Variants in AGMO observed in about 807,000 individuals in gnomAD.
The protein encoded by AGMO is alkylglycerol monooxygenase.
Under a neutral mutation model 60.2 loss-of-function variants are expected in AGMO, and 75 were observed. The observed-to-expected ratio is 1.25, with a 90% CI of 1.03 to 1.51. The LOEUF is 1.51. Among genes scored for constraint, AGMO ranks in the 40% most tolerant of loss-of-function variants. The pLI is 0.00. For missense variants in AGMO, 763 were observed against 525.5 expected (o/e 1.45, Z -4.42); for synonymous variants, 261 against 177.1 (o/e 1.47, Z -3.76).
chr7:15,457,721 T>C (rs1562517334), intron 3 of AGMO, among the ~76,000 whole-genome samples: 1 of 152,136 alleles, frequency 6.6e-6, no homozygotes, highest in Non-Finnish European at 1.5e-5. Context: ...GTGGTAATAA[T>C]ATTTAGAATA....
intron 12 of AGMO, among the ~76,000 whole-genome samples, chr7:15,352,293 A>AT (rs1782269650): frequency 6.6e-6 from 1 of 152,148 alleles, no homozygotes; most frequent in Non-Finnish European, 1.5e-5. Flanking sequence ...TATTTAAAAA[A>AT]TTTTTATGAC....
the AGMO span, among the ~76,000 whole-genome samples, chr7:15,127,318 C>T: frequency 6.6e-6 from 1 of 152,132 alleles, no homozygotes; most frequent in Admixed American, 6.6e-5. Flanking sequence ...GATTTTAAGA[C>T]TCATTGTTGC....
intron 10 of AGMO, among the ~76,000 whole-genome samples, chr7:15,370,911 ATT>A (rs1783184074): frequency 6.6e-6 from 1 of 152,030 alleles, no homozygotes; most frequent in African/African-American, 2.4e-5. Context: ...CCATCTGTCA[ATT>A]TTTGTTTTTG....
intron 12 of AGMO, among the ~76,000 whole-genome samples, chr7:15,351,829 A>G (rs1241080767): frequency 2.0e-5 from 3 of 152,226 alleles, no homozygotes; most frequent in Non-Finnish European, 2.9e-5. Context: ...TTATTTTTAA[A>G]TCTGTTTAAA....
At chr7:15,432,383 C>CACACA (rs1781279763) in intron 3 of AGMO, among the ~76,000 whole-genome samples, 1 of 142,430 alleles carries the variant, frequency 7.0e-6, no homozygotes, top group African/African-American at 2.6e-5. Flanking sequence ...TATATATACA[C>CACACA]TATCTGGGTA....
intron 12 of AGMO, among the ~76,000 whole-genome samples, chr7:15,227,845 G>A (rs1182587226): frequency 1.3e-5 from 2 of 152,106 alleles, no homozygotes; most frequent in African/African-American, 4.8e-5. Flanking sequence ...AGCACAAGGT[G>A]ACAGATTTGA....
At chr7:15,141,409 C>A in the AGMO span, among the ~76,000 whole-genome samples, 8,751 of 152,092 alleles carry the variant, frequency 0.058, 353 homozygotes, top group African/African-American at 0.11. Context: ...ACGATGAAAC[C>A]ACGTCTCTAT....
At chr7:15,277,144 G>C (rs1451480935) in intron 12 of AGMO, among the ~76,000 whole-genome samples, 1 of 151,694 alleles carries the variant, frequency 6.6e-6, no homozygotes, top group African/African-American at 2.4e-5. Flanking sequence ...CCTATCTCTA[G>C]TAAAAATACA....
chr7:15,198,251 GAGAGACAGAGACAGAGAGAGAGT>G (rs1781183879), downstream of AGMO, among the ~76,000 whole-genome samples: 1 of 74,368 alleles, frequency 1.3e-5, no homozygotes, highest in Non-Finnish European at 2.4e-5. Flanking sequence ...GAGAGAGAGA[GAGAGACAGAGACAGAGAGAGAGT>G]GTGTTAAAGT....
At chr7:15,291,554 A>G (rs1030930550) in intron 12 of AGMO, among the ~76,000 whole-genome samples, 1 of 152,194 alleles carries the variant, frequency 6.6e-6, no homozygotes, top group Non-Finnish European at 1.5e-5. Flanking sequence ...ATAGTATCAT[A>G]ATCTTAAAAT....
At chr7:15,243,251 T>C (rs1782644960) in intron 12 of AGMO, among the ~76,000 whole-genome samples, 2 of 152,084 alleles carry the variant, frequency 1.3e-5, no homozygotes, top group African/African-American at 4.8e-5. Context: ...TAGAGCTGGG[T>C]GGTAAATATT....
intron 1 of AGMO, among the ~76,000 whole-genome samples, 183 bp downstream of exon 1, chr7:15,561,537 T>C (rs532686326): frequency 6.6e-6 from 1 of 152,310 alleles, no homozygotes; most frequent in Non-Finnish European, 1.5e-5. Flanking sequence ...AAGATGGCTA[T>C]GGATTGTAAG....
At chr7:15,409,995 AAATAAAT>A (rs1334101402) in intron 5 of AGMO, among the ~76,000 whole-genome samples, 2 of 151,526 alleles carry the variant, frequency 1.3e-5, no homozygotes, top group Non-Finnish European at 3.0e-5. Flanking sequence ...ACAATAAAAT[AAATAAAT>A]AATAAATAAA....
chr7:15,560,316 G>T, intron 1 of AGMO, 45 bp from the exon 2 acceptor site: 2 of 1,577,410 alleles, frequency 1.3e-6, no homozygotes, highest in South Asian at 1.1e-5. Context: ...TGTTCCATAT[G>T]AAATTATTTT....
Position 15,392,798 on chromosome 7 carries a change from C to CAA in AGMO, c.676+1313_676+1314dup, listed in dbSNP as rs200843624. Reference sequence around the variant, plus strand: ...TGGGCGACAGAATGAGACTCTGTCTCAAAACAAACAAACAAACAAACAAAC... The same window carrying CAA: ...TGGGCGACAGAATGAGACTCTGTCTCAAAAAACAAACAAACAAACAAACAAAC... On this transcript the variant is annotated intron_variant, in intron 6 of 12. Coordinates refer to ENST00000342526, the MANE Select transcript of AGMO (RefSeq NM_001004320.2). Among the ~76,000 whole-genome samples, 32 of 107,030 alleles carry CAA rather than the reference C, an allele frequency of 3.0e-4. No homozygotes were observed. In the South Asian group the frequency reaches 5.2e-3, roughly 17 times the overall value. 70.2% of individuals were successfully genotyped at this position (107,030 alleles called of 152,430 possible). A position where few individuals can be genotyped will look rare whatever the true frequency, so the allele number is the denominator to read the frequency against.
chr7:15,153,423 A>G, the AGMO span, among the ~76,000 whole-genome samples: 1 of 152,100 alleles, frequency 6.6e-6, no homozygotes, highest in South Asian at 2.1e-4. Context: ...GCTTAAGCCA[A>G]AGGCTAGAAG....
intron 3 of AGMO, among the ~76,000 whole-genome samples, chr7:15,468,571 T>C (rs1782354921): frequency 6.6e-6 from 1 of 152,082 alleles, no homozygotes; most frequent in African/African-American, 2.4e-5. Context: ...ATCATATATA[T>C]ATGATTTTGT....
intron 3 of AGMO, among the ~76,000 whole-genome samples, chr7:15,518,479 G>A (rs933087069): frequency 9.2e-5 from 14 of 152,282 alleles, no homozygotes; most frequent in African/African-American, 3.1e-4. Flanking sequence ...GAAGGAGCAG[G>A]CAGCAATCTT....
intron 12 of AGMO, among the ~76,000 whole-genome samples, chr7:15,238,148 G>T (rs2128501843): frequency 6.6e-6 from 1 of 151,726 alleles, no homozygotes; most frequent in East Asian, 1.9e-4. Context: ...TTTTTCAGTA[G>T]TATTGACCCT....
Sources: gnomAD v4.1 joint callset for allele counts (sites outside exome capture counted in the v4.1 genomes callset) on GRCh38, gnomAD v4.1.1 for gene constraint, MANE v1.5 for transcripts, NCBI Gene and HGNC (gene_info 2026-07-23, HGNC 2026-07-21) for gene names.